The following TMEM74 variants were observed in gnomAD, a reference collection of about 807,000 sequenced individuals.
The protein encoded by TMEM74 is transmembrane protein 74.
Under a neutral mutation model 18.1 loss-of-function variants are expected in TMEM74, and 13 were observed. The observed-to-expected ratio is 0.72, with a 90% confidence interval of 0.47 to 1.14. The LOEUF is 1.14. Ranked by LOEUF, TMEM74 falls within the 50% of genes most tolerant of loss-of-function variation. TMEM74 has a pLI of 0.00. For synonymous variants in TMEM74, 159 were observed against 146.6 expected (o/e 1.08, Z -0.61); for missense variants, 372 against 375.9 (o/e 0.99, Z 0.09).
At position 108,620,644 on chromosome 8, in the gene TMEM74, T is replaced by C. The variant is rs16878316; in HGVS notation, n.265-11818A>G. Among the ~76,000 whole-genome samples, 1,360 of 152,274 alleles carry C rather than the reference T, an allele frequency of 8.9e-3. 22 individuals carry two copies. Among genetic ancestry groups the C allele is most frequent in the African/African-American group, 0.031 (1,302 of 41,560 alleles). On this transcript the variant is annotated intron_variant and non_coding_transcript_variant, in intron 2 of 3. Coordinates refer to the TMEM74 transcript ENST00000518838. Reference sequence around the variant, plus strand: ...TGTTTCCAGGTTTGTGTATATTCTTTCTAGTGAATCAGAAGTCTCGGAAAG... The same window carrying C: ...TGTTTCCAGGTTTGTGTATATTCTTCCTAGTGAATCAGAAGTCTCGGAAAG...
chr8:108,612,464 C>CT (rs1233625750), intron 2 of TMEM74, among the ~76,000 whole-genome samples: 1 of 152,124 alleles, frequency 6.6e-6, no homozygotes, highest in Non-Finnish European at 1.5e-5. Context: ...AAACTAGTTG[C>CT]TTGCCAATTG....
chr8:108,754,386 A>G (rs1399550208), intron 1 of TMEM74, among the ~76,000 whole-genome samples: 4 of 152,068 alleles, frequency 2.6e-5, no homozygotes, highest in Admixed American at 1.3e-4. Context: ...GGTGCTGCCT[A>G]TCATGATCCT....
intron 1 of TMEM74, among the ~76,000 whole-genome samples, chr8:108,723,446 A>ATG (rs10536344): frequency 2.5e-4 from 38 of 151,424 alleles, no homozygotes; most frequent in Non-Finnish European, 4.6e-4. Context: ...TTTCGTGTGT[A>ATG]TGTGTGTGTG....
At position 108,719,033 on chromosome 8, in the gene TMEM74, C is replaced by T. The variant is rs1813558968; in HGVS notation, n.120-63596G>A. On this transcript the variant is annotated intron_variant and non_coding_transcript_variant, in intron 1 of 3. Transcript: ENST00000518838. ...ATATATATATTTGTATCCTTGTAGT[C>T]ACATATGCAGTGTTCCGATAAAAAT... Among the ~76,000 whole-genome samples, 4 of 151,514 alleles carry T rather than the reference C, an allele frequency of 2.6e-5. No individual in the cohort carries two copies. The East Asian group carries it at 7.8e-4, about 29-fold the overall frequency.
rs1284535190 is a variant in TMEM74 at position 108,781,178 on chromosome 8, G to A, written c.*3003C>T. On this transcript the variant is annotated 3_prime_UTR_variant, in exon 2 of 2. Transcript: ENST00000297459. Reference sequence around the variant, plus strand: ...AATAAGCTAAAGACCTAGAACCACTGAAATATGTTTTTCTTCTCTAGGACT... The same window carrying A: ...AATAAGCTAAAGACCTAGAACCACTAAAATATGTTTTTCTTCTCTAGGACT... Among the ~76,000 whole-genome samples the A allele has an allele frequency of 6.6e-6, 1 of 152,102 alleles. No individual in the cohort carries two copies. The highest frequency in any genetic ancestry group is 2.1e-4 in the South Asian group (1 of 4,822).
At chr8:108,766,896 C>A (rs750776643) in intron 1 of TMEM74, among the ~76,000 whole-genome samples, 2 of 152,126 alleles carry the variant, frequency 1.3e-5, no homozygotes. Context: ...TGTTTGAGGG[C>A]AGGAAGAGTC....
chr8:108,614,833 G>A (rs1812367918), intron 2 of TMEM74, among the ~76,000 whole-genome samples: 1 of 152,052 alleles, frequency 6.6e-6, no homozygotes, highest in Admixed American at 6.5e-5. Flanking sequence ...CAAGTAAAAT[G>A]AATAAATGAA....
Position 108,784,912 on chromosome 8 carries a change from A to G in TMEM74, c.187T>C (p.Ser63Pro). 1 of 1,614,118 alleles carries G rather than the reference A, an allele frequency of 6.2e-7. No individual in the cohort carries two copies. The highest frequency in any genetic ancestry group is 8.5e-7 in the Non-Finnish European group (1 of 1,180,008). Reference sequence around the variant, plus strand: ...AGAGAGGAGGAGGGGGATGCTGGAGAAGAACTAAGTTTAGACCCTTCCATC... The same window carrying G: ...AGAGAGGAGGAGGGGGATGCTGGAGGAGAACTAAGTTTAGACCCTTCCATC... ...TEMEGSKLSS[S>P]PASPSSSLQN... Residue 63 changes from serine (S) to proline (P), a missense_variant, in exon 2 of 2, where the codon TCT becomes CCT. Coordinates refer to ENST00000297459, the MANE Select transcript of TMEM74 (RefSeq NM_153015.3).
intron 1 of TMEM74, among the ~76,000 whole-genome samples, chr8:108,721,399 T>A (rs1399804260): frequency 6.6e-6 from 1 of 152,274 alleles, no homozygotes; most frequent in African/African-American, 2.4e-5. Context: ...CTTTCTTTGC[T>A]CTAGCGACAC....
chr8:108,698,070 T>C (rs915819676), intron 1 of TMEM74, among the ~76,000 whole-genome samples: 61 of 152,194 alleles, frequency 4.0e-4, no homozygotes, highest in African/African-American at 1.4e-3. Context: ...GCCTGTGCTG[T>C]GGCAATACTT....
intron 1 of TMEM74, among the ~76,000 whole-genome samples, chr8:108,765,368 G>A (rs1814093017): frequency 6.7e-6 from 1 of 149,190 alleles, no homozygotes; most frequent in Admixed American, 6.7e-5. Flanking sequence ...GACCCCATAG[G>A]CAACACAACC....
At chr8:108,678,635 C>T (rs1351834776) in intron 1 of TMEM74, among the ~76,000 whole-genome samples, 1 of 151,064 alleles carries the variant, frequency 6.6e-6, no homozygotes, top group African/African-American at 2.4e-5. Context: ...GCTCCCACTG[C>T]CATTATTATT....
chr8:108,698,962 G>T (rs1429742584), intron 1 of TMEM74, among the ~76,000 whole-genome samples: 1 of 152,142 alleles, frequency 6.6e-6, no homozygotes, highest in African/African-American at 2.4e-5. Context: ...CCCTGGAAAA[G>T]CTGACCAGAC....
chr8:108,625,904 G>A (rs1482025911), intron 2 of TMEM74, among the ~76,000 whole-genome samples: 1 of 151,946 alleles, frequency 6.6e-6, no homozygotes, highest in Non-Finnish European at 1.5e-5. Context: ...TATGTAAGGG[G>A]TACATAGTAG....
intron 1 of TMEM74, among the ~76,000 whole-genome samples, chr8:108,753,624 T>G (rs768329721): frequency 6.6e-6 from 1 of 152,138 alleles, no homozygotes; most frequent in African/African-American, 2.4e-5. Context: ...AAGATCCAGT[T>G]TGCCTATTCC....
chr8:108,762,261 A>G (rs891550828), intron 1 of TMEM74, among the ~76,000 whole-genome samples: 34 of 152,292 alleles, frequency 2.2e-4, no homozygotes, highest in Non-Finnish European at 1.2e-4. Flanking sequence ...ACACTTTGAC[A>G]TGATGGATTC....
intron 2 of TMEM74, among the ~76,000 whole-genome samples, chr8:108,651,029 A>C (rs1245136548): frequency 6.6e-6 from 1 of 151,938 alleles, no homozygotes; most frequent in Non-Finnish European, 1.5e-5. Flanking sequence ...CATTCTAATC[A>C]CTTTATTTAA....
chr8:108,739,842 C>G (rs1036724175), intron 1 of TMEM74, among the ~76,000 whole-genome samples: 2 of 151,980 alleles, frequency 1.3e-5, no homozygotes, highest in Non-Finnish European at 2.9e-5. Context: ...AACACCAGGT[C>G]ATGGGGGCAA....
At chr8:108,697,677 T>G (rs1342009099) in intron 1 of TMEM74, among the ~76,000 whole-genome samples, 2 of 152,210 alleles carry the variant, frequency 1.3e-5, no homozygotes, top group Non-Finnish European at 2.9e-5. Context: ...ACGCTGGGAT[T>G]GCAGACATGA....
Sources: allele counts gnomAD v4.1 joint callset (sites outside exome capture counted in the v4.1 genomes callset), GRCh38; gene constraint gnomAD v4.1.1; transcripts MANE v1.5; gene names NCBI Gene and HGNC (gene_info 2026-07-23, HGNC 2026-07-21).